Variants in THADA observed in about 807,000 individuals in gnomAD.
THADA encodes tRNA (32-2'-O)-methyltransferase regulator THADA.
THADA carries 213 observed loss-of-function variants against 219.8 expected under a neutral mutation model. That is an observed-to-expected ratio of 0.97 (90% CI 0.87 to 1.09). The LOEUF (loss-of-function observed/expected upper bound fraction) is 1.09, where lower values mean the gene tolerates loss of function less well. THADA is among the 50% of genes least tolerant of loss of function. THADA has a pLI of 0.00. For missense variants in THADA, 2,956 were observed against 2,311.3 expected (o/e 1.28, Z -5.72); for synonymous variants, 1,018 against 828.9 (o/e 1.23, Z -3.92).
chr2:43,524,641 C>G (rs1306818093), intron 22 of THADA, among the ~76,000 whole-genome samples: 1 of 152,096 alleles, frequency 6.6e-6, no homozygotes, highest in African/African-American at 2.4e-5. Flanking sequence ...AAAAGGAAGC[C>G]ACACACACTG....
At chr2:43,534,167 AT>A (rs970295591) in intron 21 of THADA, among the ~76,000 whole-genome samples, 1 of 152,186 alleles carries the variant, frequency 6.6e-6, no homozygotes, top group African/African-American at 2.4e-5. Flanking sequence ...ATGAAGACAG[AT>A]TTTTTAAAGC....
chr2:43,334,665 C>G (rs1666185740), intron 30 of THADA, among the ~76,000 whole-genome samples: 3 of 151,940 alleles, frequency 2.0e-5, no homozygotes, highest in Non-Finnish European at 4.4e-5. Context: ...GTCCCAGCTA[C>G]TCGGGAGGCT....
At chr2:43,493,009 A>G (rs1687831149) in intron 25 of THADA, among the ~76,000 whole-genome samples, 1 of 152,228 alleles carries the variant, frequency 6.6e-6, no homozygotes, top group Non-Finnish European at 1.5e-5. Context: ...CACAGCTCTC[A>G]GTGTAGCACC....
chr2:43,421,299 A>G (rs1053746081), intron 28 of THADA, among the ~76,000 whole-genome samples: 1 of 152,064 alleles, frequency 6.6e-6, no homozygotes, highest in Admixed American at 6.5e-5. Context: ...TTCACCCAAC[A>G]ACTGTTAGCA....
intron 36 of THADA, among the ~76,000 whole-genome samples, chr2:43,239,375 C>A (rs181648042): frequency 6.6e-6 from 1 of 152,188 alleles, no homozygotes; most frequent in African/African-American, 2.4e-5. Context: ...CCCCCGCCCC[C>A]CAACAGGGCT....
chr2:43,382,604 T>A (rs1042737755), intron 29 of THADA, among the ~76,000 whole-genome samples: 1 of 152,078 alleles, frequency 6.6e-6, no homozygotes, highest in Non-Finnish European at 1.5e-5. Context: ...GCATTAACAG[T>A]TATAAAAGAG....
At chr2:43,407,962 G>C (rs1675787974) in intron 28 of THADA, among the ~76,000 whole-genome samples, 1 of 152,156 alleles carries the variant, frequency 6.6e-6, no homozygotes. Context: ...AACCTTTGTA[G>C]GCAATTTATC....
At chr2:43,584,037 T>TAA (rs536050936) in intron 7 of THADA, among the ~76,000 whole-genome samples, 208 of 65,566 alleles carry the variant, frequency 3.2e-3, no homozygotes, top group Middle Eastern at 0.021. Flanking sequence ...TTGTCTCAAT[T>TAA]AAAAAAAAAA....
intron 20 of THADA, 145 bp downstream of exon 20, chr2:43,549,065 C>G: frequency 1.2e-6 from 1 of 811,620 alleles, no homozygotes. Flanking sequence ...CAAATCTTTC[C>G]CAAAACAAAA....
chr2:43,367,390 C>T (rs1670285395), intron 29 of THADA, among the ~76,000 whole-genome samples: 1 of 152,098 alleles, frequency 6.6e-6, no homozygotes, highest in Non-Finnish European at 1.5e-5. Flanking sequence ...CAGTATTATT[C>T]AATATTGTAG....
rs1402586041 is a variant in THADA, at chr2:43,515,249, TATATATA to T, written c.3375-6476_3375-6470del. Among the ~76,000 whole-genome samples the T allele has an allele frequency of 7.0e-3, 95 of 13,566 alleles. 4 individuals are homozygous for T. The highest frequency in any genetic ancestry group is 9.6e-3 in the Non-Finnish European group (60 of 6,272). The allele number at this position is 13,566 out of a possible 152,430, so 8.9% of individuals were successfully genotyped here. A position where few individuals can be genotyped will look rare whatever the true frequency, so the allele number is the denominator to read the frequency against. ...ATATAATATATAATATATAATATATTATATATAATATATAATATATAATATATAATAT... is the reference window on the plus strand; with the variant it reads ...ATATAATATATAATATATAATATATTATATATAATATATAATATATAATAT... On this transcript the variant is annotated intron_variant, in intron 22 of 37. Transcript: ENST00000405975.
chr2:43,291,118 G>A (rs1211140920), intron 34 of THADA, among the ~76,000 whole-genome samples: 1 of 151,852 alleles, frequency 6.6e-6, no homozygotes, highest in Non-Finnish European at 1.5e-5. Context: ...TGTTTTGGGG[G>A]GAAGGTTCTG....
intron 29 of THADA, among the ~76,000 whole-genome samples, chr2:43,396,518 C>T (rs544575948): frequency 1.6e-4 from 25 of 152,228 alleles, no homozygotes; most frequent in South Asian, 1.0e-3. Context: ...AACCAAGGAA[C>T]GGCCAGGCAC....
In THADA at chr2:43,505,665, G is replaced by C; in HGVS notation, c.3578C>G (p.Ser1193Cys). 1 of 1,597,836 alleles carries C rather than the reference G, an allele frequency of 6.3e-7. No individual in the cohort carries two copies. Among genetic ancestry groups the C allele is most frequent in the Non-Finnish European group, 8.5e-7 (1 of 1,171,096 alleles). Reference protein sequence around the residue: ...LLKITMKELISLAGPTDDIQS... With the variant: ...LLKITMKELICLAGPTDDIQS... ...TATGTCATCTGTAGGCCCAGCCAAA[G>C]AGATTAACTCTTTCATTGTTATTTT... The change falls in exon 24 of 38, where the codon TCT becomes TGT. Residue 1193 changes from serine (S) to cysteine (C), a missense_variant. Transcript: ENST00000405975.
At chr2:43,285,116 A>C (rs976147433) in intron 35 of THADA, among the ~76,000 whole-genome samples, 3 of 152,150 alleles carry the variant, frequency 2.0e-5, no homozygotes, top group African/African-American at 7.2e-5. Context: ...AAGACTTTGG[A>C]CTGTGGACTT....
intron 26 of THADA, among the ~76,000 whole-genome samples, chr2:43,467,507 T>G (rs989346850): frequency 1.3e-5 from 2 of 152,178 alleles, no homozygotes; most frequent in African/African-American, 4.8e-5. Flanking sequence ...TGGAATAATG[T>G]TTACCTACCC....
intron 28 of THADA, among the ~76,000 whole-genome samples, chr2:43,398,972 A>C (rs1467147440): frequency 6.6e-6 from 1 of 152,192 alleles, no homozygotes; most frequent in Non-Finnish European, 1.5e-5. Flanking sequence ...AGTCCTGGAC[A>C]AGTTATTTTG....
intron 26 of THADA, among the ~76,000 whole-genome samples, chr2:43,467,867 C>T (rs1684444940): frequency 6.6e-6 from 1 of 152,178 alleles, no homozygotes; most frequent in African/African-American, 2.4e-5. Flanking sequence ...GTGCTCTCAG[C>T]CCTACAAACT....
chr2:43,269,969 T>TG (rs958170771), intron 36 of THADA, among the ~76,000 whole-genome samples: 1 of 152,182 alleles, frequency 6.6e-6, no homozygotes, highest in Non-Finnish European at 1.5e-5. Flanking sequence ...ACCCCAGTGT[T>TG]GCTGGAGTTC....
Sources: gnomAD v4.1 joint callset for allele counts (sites outside exome capture counted in the v4.1 genomes callset) on GRCh38, gnomAD v4.1.1 for gene constraint, MANE v1.5 for transcripts, NCBI Gene and HGNC (gene_info 2026-07-23, HGNC 2026-07-21) for gene names.